FGFR4: variants seen among roughly 807,000 people sequenced by gnomAD.
FGFR4 encodes hydroxyaryl-protein kinase.
A neutral mutation model predicts 89.9 loss-of-function variants in FGFR4; 63 were observed. The ratio of observed to expected loss-of-function variants is 0.70; its 90% CI spans 0.57 to 0.86. FGFR4 has a LOEUF of 0.86. FGFR4 is among the 40% of genes least tolerant of loss of function. The pLI, the probability that FGFR4 is intolerant of heterozygous loss-of-function variation, is 0.00. For missense variants in FGFR4, 928 were observed against 1,106.7 expected (o/e 0.84, Z 2.29); for synonymous variants, 486 against 479.4 (o/e 1.01, Z -0.18).
In FGFR4 at chr5:177,091,240, T is replaced by C; in HGVS notation, c.603+136T>C. ...GGGCCCCGGAAGGAGCCCTGGACTG[T>C]GGACCTGGGCAGCTCTGGTTCCCCT... On this transcript the variant is annotated intron_variant, in intron 5 of 17. Coordinates refer to ENST00000292408, the MANE Select transcript of FGFR4 (RefSeq NM_213647.3). The C allele has an allele frequency of 2.7e-6, 3 of 1,113,552 alleles. No individual in the cohort carries two copies. The South Asian group carries it at 5.1e-5, about 19-fold the overall frequency. 69.0% of individuals were successfully genotyped at this position (1,113,552 alleles called of 1,614,324 possible).
At position 177,089,650 on chromosome 5, in the gene FGFR4, G is replaced by T. The variant is rs1313569494; in HGVS notation, c.48G>T (p.Gly16=). 1.9e-6 allele frequency: 3 copies of T among 1,614,002 alleles called. No individual in the cohort carries two copies. The South Asian group carries it at 3.3e-5, about 18-fold the overall frequency. Residue 16 remains glycine (G), a synonymous_variant, in exon 2 of 18, where the codon GGG becomes GGT. Coordinates refer to ENST00000292408, the MANE Select transcript of FGFR4 (RefSeq NM_213647.3). Reference sequence around the variant, plus strand: ...TGGGGGTCCTGCTGAGTGTGCCTGGGCCTCCAGTCTTGTCCCTGGAGGCCT... The same window carrying T: ...TGGGGGTCCTGCTGAGTGTGCCTGGTCCTCCAGTCTTGTCCCTGGAGGCCT... The part of the protein sequence containing the change: ...ALLGVLLSVP[G]PPVLSLEASE...
chr5:177,090,106 G>A, intron 2 of FGFR4: 2 of 669,474 alleles, frequency 3.0e-6, no homozygotes, highest in Non-Finnish European at 5.4e-6. Context: ...CCTTGTGTGT[G>A]TGTGTGTCCG....
In FGFR4 at chr5:177,087,197, G is replaced by C. The variant is rs1285369615; in HGVS notation, c.-54+120G>C. 1 of 152,204 alleles carries C rather than the reference G, an allele frequency of 6.6e-6. No individual in the cohort carries two copies. Among genetic ancestry groups the C allele is most frequent in the African/African-American group, 2.4e-5 (1 of 41,418 alleles). 9.4% of individuals were successfully genotyped at this position (152,204 alleles called of 1,614,324 possible). On this transcript the variant is annotated intron_variant, in intron 1 of 17. Transcript: ENST00000292408. This position sits in a 1 kb window ranked among gnomAD's most constrained non-coding sequence, Gnocchi z 6.1. ...GACCTGGGCGTCCGCCGGGCGGCAG[G>C]GGGTGGAGGGGGCGGTAAATCAGTA...
chr5:177,090,908 T>C lies in FGFR4; in HGVS notation c.437-30T>C. ...AGGAGGCCTGTGTGGGAACACACGG[T>C]CATTCTAGGGGCCTTCCCCTGCCCT... On this transcript the variant is annotated intron_variant, in intron 4 of 17. Transcript: ENST00000292408. 3 of 1,614,094 alleles carry C rather than the reference T, an allele frequency of 1.9e-6. No homozygotes were observed. In the South Asian group the frequency reaches 3.3e-5, roughly 18 times the overall value.
intron 15 of FGFR4, 34 bp downstream of exon 15, chr5:177,096,391 CA>C (rs760205389): frequency 3.4e-5 from 55 of 1,610,806 alleles, no homozygotes; most frequent in Non-Finnish European, 4.5e-5. Flanking sequence ...TCCTACCCCA[CA>C]AAAAGGGCAA....
rs1314231834 is a variant in FGFR4, at chr5:177,087,797, A to G, written c.-54+720A>G. The stretch of plus-strand genomic sequence containing the variant: ...GGCCAGAGACAGCAGTATCTGAGTC[A>G]GGTAGAGAAGAGCAATGAGGGGCAC... On this transcript the variant is annotated intron_variant, in intron 1 of 17. Transcript: ENST00000292408. This position sits in a 1 kb window ranked among gnomAD's most constrained non-coding sequence, Gnocchi z 6.1. Among the ~76,000 whole-genome samples, 1 of 152,150 alleles carries G rather than the reference A, an allele frequency of 6.6e-6. No individual in the cohort carries two copies. Among genetic ancestry groups the G allele is most frequent in the Non-Finnish European group, 1.5e-5 (1 of 68,026 alleles).
At chr5:177,094,902 C>T (rs1038302187) in intron 11 of FGFR4, 17 of 179,464 alleles carry the variant, frequency 9.5e-5, no homozygotes, top group Non-Finnish European at 1.9e-4. Flanking sequence ...CAGTTGGAAG[C>T]CAGGCCCTGG....
At position 177,095,231 on chromosome 5, in the gene FGFR4, C is replaced by A; in HGVS notation, c.1520-99C>A. 2 of 965,290 alleles carry A rather than the reference C, an allele frequency of 2.1e-6. No homozygotes were observed. The highest frequency in any genetic ancestry group is 1.7e-6 in the Non-Finnish European group (1 of 599,756). The allele number at this position is 965,290 out of a possible 1,614,324, so 59.8% of individuals were successfully genotyped here. ...TAGCAAGGATTCAGCCCTAGACCTA[C>A]GTAGCCCTGGTCCAGTGCTGCTTGT... On this transcript the variant is annotated intron_variant, in intron 11 of 17. Transcript: ENST00000292408. This position sits in a 1 kb window ranked among gnomAD's most constrained non-coding sequence, Gnocchi z 5.7.
At chr5:177,097,172 G>A (rs1044849585) in intron 16 of FGFR4, 120 bp from the exon 17 acceptor site, 24 of 702,032 alleles carry the variant, frequency 3.4e-5, no homozygotes, top group Admixed American at 1.3e-4. Context: ...TTCTACTGAT[G>A]ACCCTCCTAT....
At chr5:177,092,289 G>A (rs748145275) in intron 6 of FGFR4, 32 bp from the exon 7 acceptor site, 78 of 1,519,998 alleles carry the variant, frequency 5.1e-5, no homozygotes, top group Non-Finnish European at 6.7e-5. Context: ...GGGTGCCGGT[G>A]GTCAGGGTTG....
At chr5:177,091,637 C>T in intron 5 of FGFR4, 48 bp from the exon 6 acceptor site, 2 of 1,608,204 alleles carry the variant, frequency 1.2e-6, no homozygotes, top group East Asian at 4.5e-5. Context: ...CCTCTGGCCC[C>T]CTTGGTGGAC....
In FGFR4 at chr5:177,092,529, C is replaced by T. The variant is rs759886814; in HGVS notation, c.918+18C>T. The T allele has an allele frequency of 1.3e-6, 2 of 1,564,154 alleles. No individual in the cohort carries two copies. The highest frequency in any genetic ancestry group is 4.7e-5 in the East Asian group (2 of 43,004). ...TCCTAAAGGTAAAAGGTGCACCCTG[C>T]TGCAGCCTGGGCCCCATTCTTCTCC... On this transcript the variant is annotated intron_variant, in intron 7 of 17. Transcript: ENST00000292408.
chr5:177,091,176 G>A (rs1040661095), intron 5 of FGFR4, 72 bp downstream of exon 5: 3 of 1,466,566 alleles, frequency 2.0e-6, no homozygotes, highest in Admixed American at 4.7e-5. Context: ...ATACCTACAA[G>A]CATACCTATA....
At chr5:177,092,890 C>A in intron 8 of FGFR4, 106 bp downstream of exon 8, 1 of 1,554,784 alleles carries the variant, frequency 6.4e-7, no homozygotes, top group Admixed American at 1.8e-5. Flanking sequence ...TGGGGTCTGG[C>A]CTGGGGGGCA....
chr5:177,093,938 G>T lies in FGFR4; in HGVS notation c.1519+163G>T, dbSNP rs1784460459. On this transcript the variant is annotated intron_variant, in intron 11 of 17. Coordinates refer to ENST00000292408, the MANE Select transcript of FGFR4 (RefSeq NM_213647.3). The surrounding 1 kb of genome is among the most constrained non-coding windows in gnomAD (Gnocchi z 5.8). Reference sequence around the variant, plus strand: ...ATAAGAAAATTAGTTGGGTGTGGTGGTGTGTGCCTTTAGTCTCAGTTACTA... The same window carrying T: ...ATAAGAAAATTAGTTGGGTGTGGTGTTGTGTGCCTTTAGTCTCAGTTACTA... 6.6e-6 allele frequency among the ~76,000 whole-genome samples: 1 copy of T among 152,078 alleles called. No individual in the cohort carries two copies. Among genetic ancestry groups the T allele is most frequent in the Non-Finnish European group, 1.5e-5 (1 of 68,008 alleles).
intron 17 of FGFR4, 45 bp downstream of exon 17, chr5:177,097,442 C>A (rs1784647536): frequency 6.2e-7 from 1 of 1,605,948 alleles, no homozygotes; most frequent in South Asian, 1.1e-5. Context: ...TGCTCCCCTC[C>A]AGGCCTCATC....
At position 177,091,816 on chromosome 5, in the gene FGFR4, C is replaced by T. The variant is rs374900591; in HGVS notation, c.727+8C>T. ...ACCTGCTAGATGTGCTGGGTGAGCG[C>T]GGGGCTGGGAACAGGGGAGGCCTGA... On this transcript the variant is annotated splice_region_variant and intron_variant, in intron 6 of 17. Transcript: ENST00000292408. 6.4e-5 allele frequency: 103 copies of T among 1,613,818 alleles called. 1 individual carries two copies. The highest frequency in any genetic ancestry group is 8.3e-5 in the Admixed American group (5 of 59,994).
Position 177,097,701 on chromosome 5 carries a change from C to T in FGFR4, c.*25C>T, listed in dbSNP as rs1303400592. The stretch of plus-strand genomic sequence containing the variant: ...AGCAAGGCTCAAGGCTGTGCAGGCA[C>T]ATAGGCTGGTGGCCTTGGGCCTTGG... On this transcript the variant is annotated 3_prime_UTR_variant, in exon 18 of 18. Transcript: ENST00000292408. 1 of 1,608,664 alleles carries T rather than the reference C, an allele frequency of 6.2e-7. No homozygotes were observed. The highest frequency in any genetic ancestry group is 1.7e-5 in the Admixed American group (1 of 59,708).
At chr5:177,096,494 A>G (rs1784567808) in intron 15 of FGFR4, 110 bp from the exon 16 acceptor site, 1 of 1,531,002 alleles carries the variant, frequency 6.5e-7, no homozygotes, top group Non-Finnish European at 8.9e-7. Context: ...AGACTCCAGG[A>G]GGAGCCCATT....
Sources: allele counts gnomAD v4.1 joint callset (sites outside exome capture counted in the v4.1 genomes callset), GRCh38; gene constraint gnomAD v4.1.1; non-coding constraint Gnocchi (gnomAD v3.1); transcripts MANE v1.5; gene names NCBI Gene and HGNC (gene_info 2026-07-23, HGNC 2026-07-21).